Variants in ARL5A observed in about 807,000 individuals in gnomAD.
ARL5A encodes ARF like GTPase 5A.
A neutral mutation model predicts 25.9 loss-of-function variants in ARL5A; 18 were observed. The ratio of observed to expected loss-of-function variants is 0.69; its 90% CI spans 0.48 to 1.03. The LOEUF is 1.03. Among genes scored for constraint, ARL5A ranks in the 50% least tolerant of loss-of-function variants. ARL5A has a pLI of 0.00. For synonymous variants in ARL5A, 61 were observed against 67.5 expected, an observed-to-expected ratio of 0.90 and a Z score of 0.47; for missense variants, 170 against 211.9, an observed-to-expected ratio of 0.80 and a Z score of 1.23.
chr2:151,819,440 G>A (rs2099831952), intron 1 of ARL5A, among the ~76,000 whole-genome samples: 1 of 152,044 alleles, frequency 6.6e-6, no homozygotes, highest in East Asian at 1.9e-4. Flanking sequence ...TAAGGTAAAA[G>A]GTATCTAAAA....
intron 1 of ARL5A, among the ~76,000 whole-genome samples, chr2:151,824,278 A>G (rs1467374249): frequency 1.3e-5 from 2 of 152,248 alleles, no homozygotes; most frequent in East Asian, 1.9e-4. Context: ...GCACGTATAA[A>G]GCAAGCTAGG....
chr2:151,811,705 G>A (rs1210041087), intron 4 of ARL5A, among the ~76,000 whole-genome samples: 2 of 152,122 alleles, frequency 1.3e-5, no homozygotes, highest in Non-Finnish European at 2.9e-5. Context: ...ACGAGTAGCT[G>A]GGACTACAGG....
intron 1 of ARL5A, among the ~76,000 whole-genome samples, chr2:151,822,845 C>G (rs545206234): frequency 6.6e-6 from 1 of 152,324 alleles, no homozygotes; most frequent in African/African-American, 2.4e-5. Context: ...CAATACTTTA[C>G]TGTTTTGTCA....
chr2:151,814,669 C>A (rs1213287762), intron 2 of ARL5A, among the ~76,000 whole-genome samples: 1 of 152,016 alleles, frequency 6.6e-6, no homozygotes, highest in Admixed American at 6.6e-5. Context: ...AATCTTCCCA[C>A]CTCAGTCTCC....
intron 1 of ARL5A, among the ~76,000 whole-genome samples, chr2:151,816,063 C>T (rs886453936): frequency 2.6e-5 from 4 of 152,156 alleles, no homozygotes; most frequent in African/African-American, 9.7e-5. Flanking sequence ...ACTTTTAACC[C>T]ACAGATGCAG....
rs924311444 is a variant in ARL5A, at chr2:151,802,485, T to C, written c.*791A>G. The C allele has an allele frequency of 2.6e-5, 4 of 152,134 alleles. No homozygotes were observed. The highest frequency in any genetic ancestry group is 9.7e-5 in the African/African-American group (4 of 41,446). 9.4% of individuals were successfully genotyped at this position (152,134 alleles called of 1,614,324 possible). On this transcript the variant is annotated 3_prime_UTR_variant, in exon 6 of 6. Transcript: ENST00000295087. ...TTGCTCATTGTACAATCCTGCCTAT[T>C]AGTAATACTAAGCCAAGAATCTGCT...
At chr2:151,825,172 T>C (rs1424959209) in intron 1 of ARL5A, among the ~76,000 whole-genome samples, 1 of 152,232 alleles carries the variant, frequency 6.6e-6, no homozygotes, top group Non-Finnish European at 1.5e-5. Flanking sequence ...GTTAAAATAT[T>C]TGTTTATTGA....
At chr2:151,805,220 GT>G (rs36040248) in intron 5 of ARL5A, among the ~76,000 whole-genome samples, 2 of 150,854 alleles carry the variant, frequency 1.3e-5, no homozygotes, top group South Asian at 2.1e-4. Flanking sequence ...TTAATGAACA[GT>G]TTTTTTTTAA....
rs1439328538 is a variant in ARL5A at position 151,828,051 on chromosome 2, G to T, written c.46+80C>A. On this transcript the variant is annotated intron_variant, in intron 1 of 5. Coordinates refer to ENST00000295087, the MANE Select transcript of ARL5A (RefSeq NM_012097.4). ...CGCCCGACCGAGCCGCCCACATTCC[G>T]AAGTATTCGGAGACCCCCACCTAGC... 15 of 1,481,740 alleles carry T rather than the reference G, an allele frequency of 1.0e-5. No individual in the cohort carries two copies. In the Admixed American group the frequency reaches 1.4e-4, roughly 14 times the overall value. The allele number at this position is 1,481,740 out of a possible 1,614,324, so 91.8% of individuals were successfully genotyped here. A position where few individuals can be genotyped will look rare whatever the true frequency, so the allele number is the denominator to read the frequency against.
chr2:151,826,436 T>C (rs1044944493), intron 1 of ARL5A, among the ~76,000 whole-genome samples: 22 of 152,218 alleles, frequency 1.4e-4, no homozygotes, highest in African/African-American at 5.1e-4. Flanking sequence ...CAAGGAGCTG[T>C]TGGCAAAGTT....
intron 1 of ARL5A, among the ~76,000 whole-genome samples, chr2:151,819,105 A>G (rs2099831906): frequency 6.6e-6 from 1 of 152,224 alleles, no homozygotes; most frequent in Non-Finnish European, 1.5e-5. Context: ...AAACAAAAAC[A>G]TAGGCAAGAA....
intron 1 of ARL5A, among the ~76,000 whole-genome samples, chr2:151,819,989 G>A (rs1398047968): frequency 6.6e-6 from 1 of 152,214 alleles, no homozygotes; most frequent in East Asian, 1.9e-4. Context: ...CTGGGAGGCA[G>A]AGGTAAAATT....
At position 151,812,363 on chromosome 2, in the gene ARL5A, C is replaced by T. The variant is rs201148768; in HGVS notation, c.333G>A (p.Ala111=). Residue 111 remains alanine, a synonymous_variant, in exon 4 of 6, where the codon GCG becomes GCA. Coordinates refer to ENST00000295087, the MANE Select transcript of ARL5A (RefSeq NM_012097.4). The part of the protein sequence containing the change: ...VTREELYKML[A]HEDLRKAGLL... ...AAAAAGACTACTTACTTACCTCATGCGCTAACATTTTATAGAGTTCTTCTC... is the reference window on the plus strand; with the variant it reads ...AAAAAGACTACTTACTTACCTCATGTGCTAACATTTTATAGAGTTCTTCTC... The T allele has an allele frequency of 9.9e-5, 158 of 1,599,330 alleles. 1 individual carries two copies. Among genetic ancestry groups the T allele is most frequent in the African/African-American group, 8.5e-4 (63 of 74,538 alleles).
At chr2:151,805,745 C>T (rs898496253) in intron 5 of ARL5A, among the ~76,000 whole-genome samples, 1 of 152,032 alleles carries the variant, frequency 6.6e-6, no homozygotes, top group Non-Finnish European at 1.5e-5. Context: ...AAAAATAGAA[C>T]AGTTATTGTA....
intron 4 of ARL5A, among the ~76,000 whole-genome samples, chr2:151,808,281 G>A (rs1045152830): frequency 6.6e-6 from 1 of 152,138 alleles, no homozygotes; most frequent in Non-Finnish European, 1.5e-5. Flanking sequence ...AATGGCATTT[G>A]TCTTCTTAGG....
At chr2:151,806,031 C>T (rs1246753773) in intron 5 of ARL5A, among the ~76,000 whole-genome samples, 1 of 152,086 alleles carries the variant, frequency 6.6e-6, no homozygotes. Context: ...CTACACTTAC[C>T]TCATGCCCAC....
chr2:151,820,379 G>A (rs573868303), intron 1 of ARL5A, among the ~76,000 whole-genome samples: 116 of 152,136 alleles, frequency 7.6e-4, no homozygotes, highest in Admixed American at 2.9e-3. Context: ...ACATGTCTGG[G>A]CCAGGCACAG....
At chr2:151,820,660 C>CAAAAAAAAAAAAAAAAAAAA (rs71410438) in intron 1 of ARL5A, among the ~76,000 whole-genome samples, 1 of 45,062 alleles carries the variant, frequency 2.2e-5, no homozygotes, top group African/African-American at 1.0e-4. Context: ...ATCCTGTCTC[C>CAAAAAAAAAAAAAAAAAAAA]AAAAAAAAAA....
At chr2:151,822,411 GA>G (rs1482350700) in intron 1 of ARL5A, among the ~76,000 whole-genome samples, 3 of 152,198 alleles carry the variant, frequency 2.0e-5, no homozygotes, top group African/African-American at 7.2e-5. Context: ...TGGGCTCAAA[GA>G]CAAACGTGTC....
Sources: allele counts gnomAD v4.1 joint callset (sites outside exome capture counted in the v4.1 genomes callset), GRCh38; gene constraint gnomAD v4.1.1; transcripts MANE v1.5; gene names NCBI Gene and HGNC (gene_info 2026-07-23, HGNC 2026-07-21).